Variants in USP6 observed in about 807,000 individuals in gnomAD.
USP6 encodes the protein ubiquitin specific peptidase 6.
A neutral mutation model predicts 175.7 loss-of-function variants in USP6; 128 were observed. The ratio of observed to expected loss-of-function variants is 0.73; its 90% CI spans 0.63 to 0.84. The LOEUF is 0.84. Ranked by LOEUF, USP6 falls within the 40% of genes least tolerant of loss-of-function variation. The pLI is 0.00. For missense variants in USP6, 1,498 were observed against 1,760.3 expected, an observed-to-expected ratio of 0.85 and a Z score of 2.67; for synonymous variants, 562 against 630.6, an observed-to-expected ratio of 0.89 and a Z score of 1.63.
chr17:5,142,465 G>T lies in USP6; in HGVS notation c.1781G>T (p.Ser594Ile). 6.2e-7 allele frequency: 1 copy of T among 1,613,928 alleles called. No individual in the cohort carries two copies. Among genetic ancestry groups the T allele is most frequent in the Non-Finnish European group, 8.5e-7 (1 of 1,179,838 alleles). Residue 594 changes from serine (S) to isoleucine (I), a missense_variant, in exon 25 of 38, where the codon AGT (serine) becomes ATT (isoleucine). Physicochemically the swap from Ser to Ile is moderately radical, Grantham distance 142. This residue lies in a region of USP6 where 1,217 missense variants were observed against 1,500.8 expected (regional missense o/e 0.81). Transcript: ENST00000574788. ...GGTGATTTAGTGCAGGAACTCTGGAGTGGAACTCAGAAGAGTGTTGCCCCA... is the reference window on the plus strand; with the variant it reads ...GGTGATTTAGTGCAGGAACTCTGGATTGGAACTCAGAAGAGTGTTGCCCCA... Reference protein sequence around the residue: ...CYGDLVQELWSGTQKSVAPLK... With the variant: ...CYGDLVQELWIGTQKSVAPLK...
At position 5,139,093 on chromosome 17, in the gene USP6, C is replaced by T. The variant is rs763965511; in HGVS notation, c.1079-162C>T. ...TTCCCCATGCCAGGCAGCACACACC[C>T]CTCCCTCTGGGATCAGCAGACTACA... On this transcript the variant is annotated intron_variant, in intron 21 of 37. Transcript: ENST00000574788. The T allele has an allele frequency of 8.8e-6, 14 of 1,595,326 alleles. No homozygotes were observed. The South Asian group carries it at 1.3e-4, about 15-fold the overall frequency.
At chr17:5,123,657 G>T (rs2072784521) in intron 4 of USP6, among the ~76,000 whole-genome samples, 2 of 152,172 alleles carry the variant, frequency 1.3e-5, no homozygotes, top group African/African-American at 4.8e-5. Flanking sequence ...CCCGCAGAAC[G>T]CATACTCACA....
intron 30 of USP6, among the ~76,000 whole-genome samples, chr17:5,151,692 C>G (rs1346547218): frequency 6.6e-6 from 1 of 152,152 alleles, no homozygotes; most frequent in African/African-American, 2.4e-5. Context: ...GAAACCAGTT[C>G]ACAAATGTAT....
chr17:5,153,913 C>T (rs558670418), intron 30 of USP6, among the ~76,000 whole-genome samples: 3 of 152,312 alleles, frequency 2.0e-5, no homozygotes, highest in Admixed American at 6.5e-5. Flanking sequence ...CTCGGCCTCC[C>T]GAAGTGCTGG....
Position 5,137,655 on chromosome 17 carries a change from C to A in USP6, c.830C>A (p.Ser277Tyr), listed in dbSNP as rs1393422424. 1 of 1,605,240 alleles carries A rather than the reference C, an allele frequency of 6.2e-7. No individual in the cohort carries two copies. Among genetic ancestry groups the A allele is most frequent in the Admixed American group, 1.7e-5 (1 of 59,722 alleles). ...CLLRNLIDGISLGLTLRLWDV... is the reference protein window; with the variant it reads ...CLLRNLIDGIYLGLTLRLWDV... ...TCATACCTGCTGTCCCCACAGATCT[C>A]TCTCGGGCTCACCCTGCGCCTGTGG... is the stretch of plus-strand genomic sequence containing the variant. Residue 277 changes from serine to tyrosine, a missense_variant, in exon 20 of 38, where the codon TCT (serine) becomes TAT (tyrosine). Transcript: ENST00000574788.
In USP6 at chr17:5,133,791, C is replaced by T; in HGVS notation, c.385-96C>T. 4.4e-6 allele frequency: 6 copies of T among 1,371,476 alleles called. No homozygotes were observed. The South Asian group carries it at 4.7e-5, about 11-fold the overall frequency. The allele number at this position is 1,371,476 out of a possible 1,614,324, so 85.0% of individuals were successfully genotyped here. ...GAAGGAAACCTTCCTTCTTTCCTTC[C>T]TTCCCGAAGTGCTGACTGTGGGCTG... On this transcript the variant is annotated intron_variant, in intron 14 of 37. Coordinates refer to ENST00000574788, the MANE Select transcript of USP6 (RefSeq NM_001304284.2).
chr17:5,169,064 T>C lies in USP6; in HGVS notation c.3517+9T>C. The C allele has an allele frequency of 3.8e-6, 6 of 1,582,242 alleles. No individual in the cohort carries two copies. The highest frequency in any genetic ancestry group is 5.1e-6 in the Non-Finnish European group (6 of 1,166,386). On this transcript the variant is annotated intron_variant, in intron 35 of 37. Coordinates refer to ENST00000574788, the MANE Select transcript of USP6 (RefSeq NM_001304284.2). ...CAGCAGCAGCCCAAAAGGTGAGGCC[T>C]GGGGGCCTTATGCAGTTGCTTTCTT...
Position 5,174,796 on chromosome 17 carries a change from G to T in USP6, c.*1818G>T, listed in dbSNP as rs1313288761. The T allele has an allele frequency of 5.1e-5, 10 of 197,080 alleles. No homozygotes were observed. Among genetic ancestry groups the T allele is most frequent in the Non-Finnish European group, 1.1e-5 (1 of 94,902 alleles). The allele number at this position is 197,080 out of a possible 1,614,324, so 12.2% of individuals were successfully genotyped here. ...ATTAACTATTAACTACATTCACCTT[G>T]TAAATTACTGTATAAAACTTGTTGA... On this transcript the variant is annotated 3_prime_UTR_variant, in exon 38 of 38. Transcript: ENST00000574788.
At chr17:5,147,492 G>A (rs971940995) in intron 29 of USP6, among the ~76,000 whole-genome samples, 6 of 152,152 alleles carry the variant, frequency 3.9e-5, no homozygotes, top group Non-Finnish European at 8.8e-5. Context: ...CATACTACCA[G>A]AAAATATAAA....
intron 32 of USP6, 123 bp downstream of exon 32, chr17:5,161,737 T>G: frequency 5.3e-6 from 6 of 1,125,054 alleles, no homozygotes; most frequent in Non-Finnish European, 7.6e-6. Context: ...GAACTGTGGC[T>G]GGGCACCATG....
At chr17:5,139,735 T>C (rs1458173258) in intron 22 of USP6, 61 bp downstream of exon 22, 6 of 1,597,680 alleles carry the variant, frequency 3.8e-6, no homozygotes, top group Non-Finnish European at 4.2e-6. Context: ...GGCCCTGCAG[T>C]GCACCCAGCA....
At chr17:5,138,060 G>T (rs1474866439) in intron 20 of USP6, 61 bp from the exon 21 acceptor site, 1 of 1,612,824 alleles carries the variant, frequency 6.2e-7, no homozygotes, top group Non-Finnish European at 8.5e-7. Context: ...AGTGGCCACA[G>T]GGTATGAGCT....
intron 1 of USP6, among the ~76,000 whole-genome samples, chr17:5,117,315 A>C (rs1241618623): frequency 6.6e-6 from 1 of 152,146 alleles, no homozygotes; most frequent in African/African-American, 2.4e-5. Context: ...CAGGAGTTTG[A>C]GACCAGCCTG....
rs2072931396 is a variant in USP6 at position 5,127,517 on chromosome 17, A to G, written c.-460A>G. ...TCTTCTTGCTAGGGCTGTCATTGGG[A>G]CAGTCTGAGATGGGGAGTCGGGGGA... On this transcript the variant is annotated 5_prime_UTR_variant, in exon 7 of 38. Coordinates refer to ENST00000574788, the MANE Select transcript of USP6 (RefSeq NM_001304284.2). 2 of 152,186 alleles carry G rather than the reference A, an allele frequency of 1.3e-5. No homozygotes were observed. The highest frequency in any genetic ancestry group is 2.9e-5 in the Non-Finnish European group (2 of 68,048). 9.4% of individuals were successfully genotyped at this position (152,186 alleles called of 1,614,324 possible). A position where few individuals can be genotyped will look rare whatever the true frequency, so the allele number is the denominator to read the frequency against.
chr17:5,148,162 G>C (rs1017949406), intron 29 of USP6, among the ~76,000 whole-genome samples: 6 of 152,200 alleles, frequency 3.9e-5, no homozygotes, highest in Admixed American at 2.6e-4. Flanking sequence ...ACAAATGTGA[G>C]CTGCCTCATC....
intron 19 of USP6, 44 bp from the exon 20 acceptor site, chr17:5,137,607 C>T: frequency 6.3e-7 from 1 of 1,581,160 alleles, no homozygotes. Flanking sequence ...CCACCAGCCC[C>T]AGCCTGGAAG....
At chr17:5,120,080 G>T (rs746690669) in intron 2 of USP6, among the ~76,000 whole-genome samples, 1 of 152,184 alleles carries the variant, frequency 6.6e-6, no homozygotes, top group Non-Finnish European at 1.5e-5. Context: ...CTTCTCAGCC[G>T]AGTTCTGTGC....
rs373075687 is a variant in USP6, at chr17:5,133,452, C to G, written c.286C>G (p.Arg96Gly). The part of the protein sequence containing the change: ...TYKHSSKLID[R>G]VYKGIPMNIR... The stretch of plus-strand genomic sequence containing the variant: ...TCTTTTCTGCCCACAGCTCATAGAT[C>G]GAGTGTACAAGGGAATTCCCATGAA... Residue 96 changes from arginine (R) to glycine (G), a missense_variant, in exon 14 of 38, where the codon CGA (arginine) becomes GGA (glycine). Physicochemically the swap from Arg to Gly is moderately radical, Grantham distance 125. Coordinates refer to ENST00000574788, the MANE Select transcript of USP6 (RefSeq NM_001304284.2). The G allele has an allele frequency of 2.7e-4, 440 of 1,611,328 alleles. 6 individuals are homozygous for G. The South Asian group carries it at 3.9e-3, about 14-fold the overall frequency.
rs1439283412 is a variant in USP6, at chr17:5,116,750, T to C, written c.-1928+10T>C. ...TCTTCACTTACTAGTTGTGAGTCTT[T>C]GGGCAAATTTGCCTTTCTAGAGCGT... On this transcript the variant is annotated intron_variant, in intron 1 of 37. Coordinates refer to ENST00000574788, the MANE Select transcript of USP6 (RefSeq NM_001304284.2). The C allele has an allele frequency of 6.6e-6, 1 of 152,292 alleles. No individual in the cohort carries two copies. The highest frequency in any genetic ancestry group is 1.5e-5 in the Non-Finnish European group (1 of 68,060). The allele number at this position is 152,292 out of a possible 1,614,324, so 9.4% of individuals were successfully genotyped here. A position where few individuals can be genotyped will look rare whatever the true frequency, so the allele number is the denominator to read the frequency against.
Sources: allele counts gnomAD v4.1 joint callset (sites outside exome capture counted in the v4.1 genomes callset), GRCh38; gene constraint gnomAD v4.1.1; regional missense constraint gnomAD v4.1.1; transcripts MANE v1.5; gene names NCBI Gene and HGNC (gene_info 2026-07-23, HGNC 2026-07-21).